The following CAMKMT variants were observed in gnomAD, a reference collection of about 807,000 sequenced individuals.
CAMKMT encodes CaM KMT.
In CAMKMT, 53 loss-of-function variants were observed where a neutral mutation model predicts 48.0. That is an observed-to-expected ratio of 1.10 (90% CI 0.89 to 1.39). The LOEUF is 1.39. CAMKMT is among the 40% of genes most tolerant of loss of function. The pLI is 0.00. For missense variants in CAMKMT, 428 were observed against 402.7 expected (o/e 1.06, Z -0.54); for synonymous variants, 165 against 152.3 (o/e 1.08, Z -0.61).
intron 6 of CAMKMT, among the ~76,000 whole-genome samples, chr2:44,707,706 C>T (rs758634802): frequency 5.9e-5 from 9 of 151,980 alleles, no homozygotes; most frequent in Non-Finnish European, 1.3e-4. Context: ...GTGGACCTCC[C>T]GAGGCAATAA....
chr2:44,434,227 T>TA (rs915546232), intron 3 of CAMKMT, among the ~76,000 whole-genome samples: 2 of 36,064 alleles, frequency 5.5e-5, no homozygotes, highest in Non-Finnish European at 2.7e-4. Context: ...TTGTGAGGGA[T>TA]TTTTTTTTTT....
chr2:44,599,551 A>G (rs1222502082), intron 3 of CAMKMT, among the ~76,000 whole-genome samples: 1 of 152,130 alleles, frequency 6.6e-6, no homozygotes, highest in Non-Finnish European at 1.5e-5. Context: ...TGTGAGAATG[A>G]AAAGTAATTT....
At chr2:44,383,896 T>C (rs539664347) in intron 2 of CAMKMT, among the ~76,000 whole-genome samples, 1 of 152,336 alleles carries the variant, frequency 6.6e-6, no homozygotes, top group Admixed American at 6.5e-5. Flanking sequence ...TTGGGTTGGT[T>C]CCACGATTTT....
intron 3 of CAMKMT, among the ~76,000 whole-genome samples, chr2:44,462,187 C>A (rs698795): frequency 0.8 from 121,069 of 152,030 alleles, 48,695 homozygotes; most frequent in African/African-American, 0.91. Flanking sequence ...ATACACAGGA[C>A]AACTCATGTA....
chr2:44,769,158 C>T (rs1160097626), intron 10 of CAMKMT, among the ~76,000 whole-genome samples: 1 of 151,576 alleles, frequency 6.6e-6, no homozygotes, highest in African/African-American at 2.4e-5. Flanking sequence ...CAGATTTAGG[C>T]AACCACCCAT....
At chr2:44,564,620 G>A (rs1389719889) in intron 3 of CAMKMT, among the ~76,000 whole-genome samples, 2 of 151,416 alleles carry the variant, frequency 1.3e-5, no homozygotes, top group Middle Eastern at 3.3e-3. Flanking sequence ...CACGATCTCA[G>A]CTCAGTCTCC....
intron 8 of CAMKMT, among the ~76,000 whole-genome samples, chr2:44,751,875 G>A (rs1222794713): frequency 6.6e-6 from 1 of 152,154 alleles, no homozygotes; most frequent in Non-Finnish European, 1.5e-5. Context: ...GAAGGCACAG[G>A]GGAAGCAGGC....
intron 3 of CAMKMT, among the ~76,000 whole-genome samples, chr2:44,403,345 A>T (rs897420291): frequency 2.6e-5 from 4 of 152,162 alleles, no homozygotes; most frequent in Non-Finnish European, 5.9e-5. Context: ...CTTGAGCTGC[A>T]CGAATGCCTT....
intron 3 of CAMKMT, among the ~76,000 whole-genome samples, chr2:44,601,410 T>G (rs1447773610): frequency 6.6e-6 from 1 of 152,012 alleles, no homozygotes; most frequent in Non-Finnish European, 1.5e-5. Flanking sequence ...GAGCCAAGAT[T>G]GCGCCATTGC....
chr2:44,485,999 C>G (rs1669198047), intron 3 of CAMKMT, among the ~76,000 whole-genome samples: 1 of 152,002 alleles, frequency 6.6e-6, no homozygotes, highest in African/African-American at 2.4e-5. Context: ...GAGTCTCACT[C>G]TGTCGCCCAG....
At chr2:44,434,619 C>G (rs1203511651) in intron 3 of CAMKMT, among the ~76,000 whole-genome samples, 2 of 152,126 alleles carry the variant, frequency 1.3e-5, no homozygotes, top group African/African-American at 4.8e-5. Flanking sequence ...TCAATATTGT[C>G]TCCCCAAGAT....
At chr2:44,559,494 A>T (rs115952967) in intron 3 of CAMKMT, among the ~76,000 whole-genome samples, 1 of 152,086 alleles carries the variant, frequency 6.6e-6, no homozygotes, top group Admixed American at 6.6e-5. Context: ...GACAACTCTC[A>T]TGGCTTTTGT....
chr2:44,410,247 A>T (rs868340756), intron 3 of CAMKMT, among the ~76,000 whole-genome samples: 538 of 19,508 alleles, frequency 0.028, 108 homozygotes, highest in Non-Finnish European at 0.041. Flanking sequence ...ATATATATAT[A>T]TTTTTTTTTT....
intron 3 of CAMKMT, among the ~76,000 whole-genome samples, chr2:44,527,916 G>C (rs1666252215): frequency 6.6e-6 from 1 of 151,706 alleles, no homozygotes; most frequent in South Asian, 2.1e-4. Flanking sequence ...GACATTCTGA[G>C]TTTTGACAAA....
chr2:44,683,822 C>CAAAAAAAA (rs10644183), intron 3 of CAMKMT, among the ~76,000 whole-genome samples: 15 of 70,760 alleles, frequency 2.1e-4, no homozygotes, highest in South Asian at 6.7e-4. Flanking sequence ...GACTCTGTCT[C>CAAAAAAAA]AAAAAAAAAA....
chr2:44,373,233 A>C (rs924375594), intron 2 of CAMKMT, among the ~76,000 whole-genome samples: 1 of 152,220 alleles, frequency 6.6e-6, no homozygotes, highest in Non-Finnish European at 1.5e-5. Flanking sequence ...GAATTTTTCC[A>C]AACTACCCTT....
intron 8 of CAMKMT, among the ~76,000 whole-genome samples, chr2:44,747,673 CAG>C (rs1423459006): frequency 6.6e-6 from 1 of 152,292 alleles, no homozygotes; most frequent in East Asian, 1.9e-4. Context: ...TGGCTATTGA[CAG>C]AGAAAAATGT....
chr2:44,448,081 T>G (rs749054281), intron 3 of CAMKMT, among the ~76,000 whole-genome samples: 1 of 152,216 alleles, frequency 6.6e-6, no homozygotes, highest in Non-Finnish European at 1.5e-5. Context: ...TCATCCAGTT[T>G]GTTGCATCTG....
chr2:44,375,762 T>C (rs1679624156), intron 2 of CAMKMT, among the ~76,000 whole-genome samples: 1 of 151,820 alleles, frequency 6.6e-6, no homozygotes, highest in South Asian at 2.1e-4. Context: ...ATATATTATA[T>C]GGTGGATCTG....
Sources: gnomAD v4.1 joint callset for allele counts (sites outside exome capture counted in the v4.1 genomes callset) on GRCh38, gnomAD v4.1.1 for gene constraint, MANE v1.5 for transcripts, NCBI Gene and HGNC (gene_info 2026-07-23, HGNC 2026-07-21) for gene names.